The following P3H2 variants were observed in gnomAD, a reference collection of about 807,000 sequenced individuals.
P3H2 encodes prolyl 3-hydroxylase 2.
A neutral mutation model predicts 87.0 loss-of-function variants in P3H2; 80 were observed. The ratio of observed to expected loss-of-function variants is 0.92; its 90% CI spans 0.77 to 1.11. The LOEUF (loss-of-function observed/expected upper bound fraction) is 1.11, where lower values mean the gene tolerates loss of function less well. P3H2 is among the 50% of genes least tolerant of loss of function. P3H2 has a pLI of 0.00. For missense variants in P3H2, 1,001 were observed against 923.9 expected (o/e 1.08, Z -1.08); for synonymous variants, 367 against 359.3 (o/e 1.02, Z -0.24).
At chr3:189,974,494 C>T in intron 9 of P3H2, 64 bp downstream of exon 9, 1 of 1,606,064 alleles carries the variant, frequency 6.2e-7, no homozygotes, top group South Asian at 1.1e-5. Flanking sequence ...AGACCAGGAC[C>T]AAAGCAGTTC....
chr3:189,970,740 A>G, intron 13 of P3H2, 76 bp downstream of exon 13: 1 of 848,532 alleles, frequency 1.2e-6, no homozygotes, highest in Non-Finnish European at 2.1e-6. Context: ...AAATCTAACC[A>G]TCTGTAAGTA....
intron 1 of P3H2, among the ~76,000 whole-genome samples, chr3:190,090,230 T>G (rs1727364139): frequency 6.6e-6 from 1 of 152,220 alleles, no homozygotes; most frequent in African/African-American, 2.4e-5. Flanking sequence ...ATCATTCGTT[T>G]TTATTTTTTT....
chr3:190,083,897 G>A (rs1490870745), intron 1 of P3H2, among the ~76,000 whole-genome samples: 1 of 152,134 alleles, frequency 6.6e-6, no homozygotes, highest in Non-Finnish European at 1.5e-5. Context: ...CCACAAGCTT[G>A]GCTGGATTTT....
Position 189,970,910 on chromosome 3 carries a change from A to G in P3H2, c.1818-19T>C, listed in dbSNP as rs759184471. 2 of 1,326,126 alleles carry G rather than the reference A, an allele frequency of 1.5e-6. No individual in the cohort carries two copies. Among genetic ancestry groups the G allele is most frequent in the African/African-American group, 1.4e-5 (1 of 69,422 alleles). The allele number at this position is 1,326,126 out of a possible 1,614,324, so 82.1% of individuals were successfully genotyped here. A position where few individuals can be genotyped will look rare whatever the true frequency, so the allele number is the denominator to read the frequency against. ...GAGAGCACTATAAGAATGAAGAGAA[A>G]ACTATTTGTATTATTATATGCTTAT... On this transcript the variant is annotated intron_variant, in intron 12 of 14. Coordinates refer to ENST00000319332, the MANE Select transcript of P3H2 (RefSeq NM_018192.4).
intron 11 of P3H2, among the ~76,000 whole-genome samples, chr3:189,972,482 T>C (rs138272231): frequency 1.3e-5 from 2 of 152,318 alleles, no homozygotes; most frequent in African/African-American, 4.8e-5. Flanking sequence ...AAGGTCCCGG[T>C]CTTTTTAAGA....
At chr3:190,104,576 C>T (rs1486640032) in intron 1 of P3H2, among the ~76,000 whole-genome samples, 2 of 152,140 alleles carry the variant, frequency 1.3e-5, no homozygotes, top group Non-Finnish European at 2.9e-5. Flanking sequence ...GGCCTCTGGA[C>T]AGTACATACA....
At chr3:190,064,534 T>C (rs909761789) in intron 1 of P3H2, among the ~76,000 whole-genome samples, 4 of 152,138 alleles carry the variant, frequency 2.6e-5, no homozygotes, top group Admixed American at 2.6e-4. Context: ...ACATCTGATG[T>C]ACATTTCCAG....
At chr3:189,994,061 A>G (rs761596008) in intron 3 of P3H2, 33 bp downstream of exon 3, 12 of 1,515,220 alleles carry the variant, frequency 7.9e-6, no homozygotes, top group Non-Finnish European at 1.1e-5. Flanking sequence ...TTTATAATCA[A>G]GAAAGAAATA....
chr3:189,984,685 C>T lies in P3H2; in HGVS notation c.1189-95G>A, dbSNP rs1016881582. 25 of 852,524 alleles carry T rather than the reference C, an allele frequency of 2.9e-5. No individual in the cohort carries two copies. The African/African-American group carries it at 3.9e-4, about 13-fold the overall frequency. 52.8% of individuals were successfully genotyped at this position (852,524 alleles called of 1,614,324 possible). A position where few individuals can be genotyped will look rare whatever the true frequency, so the allele number is the denominator to read the frequency against. On this transcript the variant is annotated intron_variant, in intron 6 of 14. Transcript: ENST00000319332. ...TAAAATAAAATATGCACAAAACATT[C>T]AAAAGATCTATAATTTAGGAATTTT... is the stretch of plus-strand genomic sequence containing the variant.
intron 1 of P3H2, among the ~76,000 whole-genome samples, chr3:189,998,625 CT>C (rs1231028458): frequency 6.6e-6 from 1 of 152,116 alleles, no homozygotes; most frequent in Non-Finnish European, 1.5e-5. Context: ...GTATATTAAT[CT>C]TTTTATTTTC....
rs117008111 is a variant in P3H2, at chr3:190,016,046, G to C, written c.481-20604C>G. Among the ~76,000 whole-genome samples the C allele has an allele frequency of 2.0e-5, 3 of 152,246 alleles. No individual in the cohort carries two copies. In the East Asian group the frequency reaches 5.8e-4, roughly 29 times the overall value. ...GGGTAGACCTCTATTAAATGTCCTT[G>C]CTCTTTAGCTTGCTGTTTTGCCTCT... On this transcript the variant is annotated intron_variant, in intron 1 of 14. Coordinates refer to ENST00000319332, the MANE Select transcript of P3H2 (RefSeq NM_018192.4).
intron 1 of P3H2, 90 bp from the exon 2 acceptor site, chr3:189,995,532 T>A (rs1700029511): frequency 2.2e-6 from 3 of 1,372,644 alleles, no homozygotes; most frequent in Middle Eastern, 1.9e-4. Flanking sequence ...ATCTCACAGT[T>A]TAAGAATGAA....
chr3:189,991,831 A>G (rs182190881), intron 3 of P3H2, among the ~76,000 whole-genome samples: 5 of 152,190 alleles, frequency 3.3e-5, no homozygotes, highest in Admixed American at 2.6e-4. Flanking sequence ...TGTGAGCAGA[A>G]TTTTGTTTTT....
intron 1 of P3H2, among the ~76,000 whole-genome samples, chr3:190,039,741 C>G (rs766100940): frequency 2.0e-5 from 3 of 152,162 alleles, no homozygotes; most frequent in Non-Finnish European, 4.4e-5. Flanking sequence ...TGAGGACTCA[C>G]AGGAAGGAGG....
Position 189,964,054 on chromosome 3 carries a change from A to C in P3H2, c.1938T>G (p.Ser646=), listed in dbSNP as rs760790216. Residue 646 remains serine (S), a synonymous_variant, in exon 14 of 15, where the codon TCT becomes TCG. Coordinates refer to ENST00000319332, the MANE Select transcript of P3H2 (RefSeq NM_018192.4). ...TCACCCCATGAGGGTTCTCTCCTCC[A>C]GATGAGAAGCTGATCATGCGCCCAC... ...PKCGRMISFS[S]GGENPHGVKA... 8 of 1,614,092 alleles carry C rather than the reference A, an allele frequency of 5.0e-6. No homozygotes were observed. The highest frequency in any genetic ancestry group is 3.3e-4 in the Middle Eastern group (2 of 6,084).
At chr3:189,994,450 A>G (rs534398387) in intron 2 of P3H2, among the ~76,000 whole-genome samples, 167 bp from the exon 3 acceptor site, 1 of 152,208 alleles carries the variant, frequency 6.6e-6, no homozygotes, top group African/African-American at 2.4e-5. Flanking sequence ...TGGGAGATAA[A>G]GAACAACATT....
At chr3:190,051,048 T>C (rs952569396) in intron 1 of P3H2, among the ~76,000 whole-genome samples, 1 of 152,208 alleles carries the variant, frequency 6.6e-6, no homozygotes, top group Non-Finnish European at 1.5e-5. Context: ...AGACCAGTCA[T>C]AGCTATAGGT....
chr3:190,011,118 A>G (rs1314883392), intron 1 of P3H2, among the ~76,000 whole-genome samples: 1 of 152,122 alleles, frequency 6.6e-6, no homozygotes, highest in Non-Finnish European at 1.5e-5. Context: ...TACTAAAAAT[A>G]CAAACAATTA....
In P3H2 at chr3:190,120,633, C is replaced by CTCCCGGCGTGGGCTG; in HGVS notation, c.84_98dup (p.Asp28_Arg32dup). 6.5e-7 allele frequency: 1 copy of CTCCCGGCGTGGGCTG among 1,531,134 alleles called. No individual in the cohort carries two copies. The highest frequency in any genetic ancestry group is 8.7e-7 in the Non-Finnish European group (1 of 1,147,080). 94.8% of individuals were successfully genotyped at this position (1,531,134 alleles called of 1,614,324 possible). On this transcript the variant is annotated inframe_insertion, in exon 1 of 15. Coordinates refer to ENST00000319332, the MANE Select transcript of P3H2 (RefSeq NM_018192.4). Reference sequence around the variant, plus strand: ...GCAGAGGCCCGGGCTCCAGCTCCAGCTCCCGGCGTGGGCTGTCCGGGGGGC... The same window carrying CTCCCGGCGTGGGCTG: ...GCAGAGGCCCGGGCTCCAGCTCCAGCTCCCGGCGTGGGCTGTCCCGGCGTGGGCTGTCCGGGGGGC...
Sources: gnomAD v4.1 joint callset for allele counts (sites outside exome capture counted in the v4.1 genomes callset) on GRCh38, gnomAD v4.1.1 for gene constraint, MANE v1.5 for transcripts, NCBI Gene and HGNC (gene_info 2026-07-23, HGNC 2026-07-21) for gene names.